The following CPOX variants were observed in gnomAD, a reference collection of about 807,000 sequenced individuals.
CPOX encodes coproporphyrinogen oxidase, also known as oxygen-dependent coproporphyrinogen-III oxidase, mitochondrial.
A neutral mutation model predicts 48.9 loss-of-function variants in CPOX; 24 were observed. That is an observed-to-expected ratio of 0.49 (90% CI 0.36 to 0.69). CPOX has a LOEUF of 0.69. Ranked by LOEUF, CPOX falls within the 30% of genes least tolerant of loss-of-function variation. The pLI is 0.00. For missense variants in CPOX, 549 were observed against 597.3 expected (o/e 0.92, Z 0.84); for synonymous variants, 249 against 234.6 (o/e 1.06, Z -0.56).
In CPOX at chr3:98,585,475, G is replaced by A. The variant is rs201231166; in HGVS notation, c.1138C>T (p.Gln380Ter). The A allele has an allele frequency of 6.2e-7, 1 of 1,613,842 alleles. No individual in the cohort carries two copies. The highest frequency in any genetic ancestry group is 1.7e-5 in the Admixed American group (1 of 60,014). Residue 380 changes from glutamine to a stop codon, truncating the protein, a stop_gained, in exon 5 of 7, where the codon CAG becomes TAG. Coordinates refer to ENST00000647941, the MANE Select transcript of CPOX (RefSeq NM_000097.7). LOFTEE classifies it high-confidence loss of function. ...CTGAGCTGCTGCCACAGCTTCTCCT[G>A]GGGGGTGAATGAGTCATCACAGTGC... ...KKHCDDSFTP[Q>*]EKLWQQLRRG...
At chr3:98,581,366 G>A in intron 6 of CPOX, 41 bp downstream of exon 6, 1 of 1,364,716 alleles carries the variant, frequency 7.3e-7, no homozygotes, top group South Asian at 1.2e-5. Context: ...TTTGGGAATT[G>A]GGAGTGTAGG....
chr3:98,586,248 T>C (rs1266787815), intron 4 of CPOX, among the ~76,000 whole-genome samples: 2 of 152,182 alleles, frequency 1.3e-5, no homozygotes, highest in Non-Finnish European at 2.9e-5. Context: ...CTAAGAACTT[T>C]AGTGAAAAGA....
chr3:98,588,050 T>C (rs1707400586), intron 4 of CPOX, among the ~76,000 whole-genome samples: 1 of 152,210 alleles, frequency 6.6e-6, no homozygotes, highest in Admixed American at 6.5e-5. Flanking sequence ...TGCATAAATA[T>C]TAACATTCCA....
intron 4 of CPOX, among the ~76,000 whole-genome samples, chr3:98,586,105 C>A (rs768223956): frequency 6.6e-6 from 1 of 152,062 alleles, no homozygotes; most frequent in African/African-American, 2.4e-5. Flanking sequence ...ATCTCCTGAC[C>A]TCGTGATCTG....
In CPOX at chr3:98,589,324, A is replaced by G. The variant is rs553168499; in HGVS notation, c.812-470T>C. On this transcript the variant is annotated intron_variant, in intron 3 of 6. Coordinates refer to ENST00000647941, the MANE Select transcript of CPOX (RefSeq NM_000097.7). Reference sequence around the variant, plus strand: ...ACAAGAGTGAGACTCCATCTCAAAAAACAAAATAAAACAAAACAAAACAAC... The same window carrying G: ...ACAAGAGTGAGACTCCATCTCAAAAGACAAAATAAAACAAAACAAAACAAC... Among the ~76,000 whole-genome samples, 12 of 152,318 alleles carry G rather than the reference A, an allele frequency of 7.9e-5. No individual in the cohort carries two copies. In the South Asian group the frequency reaches 1.9e-3, roughly 24 times the overall value.
downstream of CPOX, among the ~76,000 whole-genome samples, chr3:98,578,051 A>G (rs1485955265): frequency 6.6e-6 from 1 of 152,210 alleles, no homozygotes; most frequent in Non-Finnish European, 1.5e-5. Flanking sequence ...TCTCCCCTCC[A>G]GACACCCTTT....
chr3:98,577,402 CA>C (rs991427730), downstream of CPOX, among the ~76,000 whole-genome samples: 4 of 151,950 alleles, frequency 2.6e-5, no homozygotes, highest in Middle Eastern at 3.2e-3. Context: ...GAGAGCATTG[CA>C]AAAGTTCAGA....
At position 98,588,695 on chromosome 3, in the gene CPOX, T is replaced by C. The variant is rs1707412855; in HGVS notation, c.953+18A>G. On this transcript the variant is annotated intron_variant, in intron 4 of 6. Transcript: ENST00000647941. ...GAATGTAATTTTGGGGTCATGAAAGTTCAGTAACTTTACCTACCATTTTTT... is the reference window on the plus strand; with the variant it reads ...GAATGTAATTTTGGGGTCATGAAAGCTCAGTAACTTTACCTACCATTTTTT... 6.2e-7 allele frequency: 1 copy of C among 1,614,088 alleles called. No individual in the cohort carries two copies. Among genetic ancestry groups the C allele is most frequent in the Admixed American group, 1.7e-5 (1 of 60,020 alleles).
chr3:98,585,924 GT>G, intron 4 of CPOX: 1 of 385,062 alleles, frequency 2.6e-6, no homozygotes, highest in Non-Finnish European at 5.0e-6. Flanking sequence ...CCACGCTGGA[GT>G]GCAGTGGTGC....
the CPOX span, among the ~76,000 whole-genome samples, chr3:98,573,353 A>G: frequency 6.6e-6 from 1 of 152,230 alleles, no homozygotes; most frequent in Admixed American, 6.5e-5. Context: ...GCCATGCTTG[A>G]TTAAATATGT....
Position 98,590,677 on chromosome 3 carries a change from T to C in CPOX, c.766A>G (p.Thr256Ala), listed in dbSNP as rs77432735. Residue 256 changes from threonine (T) to alanine (A), a missense_variant, in exon 3 of 7, where the codon ACT becomes GCT. By Grantham distance (58) the Thr-to-Ala change is moderately conservative. Around this residue, in one of 2 missense-constraint regions of CPOX, gnomAD observed 213 missense variants for 279.1 expected, o/e 0.76. Transcript: ENST00000647941. ...AAGTATCTGTAGTTGAAATGGATAG[T>C]AGGAGCATGAGGATTCTTGGGGTGG... ...VIHPKNPHAPTIHFNYRYFEV... is the reference protein window; with the variant it reads ...VIHPKNPHAPAIHFNYRYFEV... 70 of 1,614,072 alleles carry C rather than the reference T, an allele frequency of 4.3e-5. No homozygotes were observed. The East Asian group carries it at 1.6e-3, about 36-fold the overall frequency.
intron 3 of CPOX, chr3:98,589,615 C>T (rs544491609): frequency 1.3e-5 from 2 of 152,418 alleles, no homozygotes; most frequent in South Asian, 4.1e-4. Flanking sequence ...ATTGCCAACC[C>T]CTCCCCTTTC....
intron 4 of CPOX, among the ~76,000 whole-genome samples, chr3:98,587,042 A>C (rs1215460063): frequency 6.6e-6 from 1 of 152,234 alleles, no homozygotes; most frequent in African/African-American, 2.4e-5. Flanking sequence ...AGTTCTTTTG[A>C]TAATCTCTGC....
chr3:98,574,713 G>A (rs1332557841), downstream of CPOX, among the ~76,000 whole-genome samples: 1 of 152,064 alleles, frequency 6.6e-6, no homozygotes, highest in Non-Finnish European at 1.5e-5. Context: ...TCCTGAGCTG[G>A]GATTACAGGC....
intron 1 of CPOX, among the ~76,000 whole-genome samples, chr3:98,592,326 GTACGCCTC>G (rs1339273529): frequency 6.6e-6 from 1 of 152,178 alleles, no homozygotes; most frequent in African/African-American, 2.4e-5. Context: ...GGTCATGAAT[GTACGCCTC>G]TACGAGAACT....
intron 4 of CPOX, among the ~76,000 whole-genome samples, chr3:98,586,888 G>A (rs918820097): frequency 1.3e-4 from 20 of 152,072 alleles, no homozygotes; most frequent in Non-Finnish European, 2.9e-4. Flanking sequence ...AGCTTGCAGT[G>A]AGCCGAGATC....
downstream of CPOX, among the ~76,000 whole-genome samples, chr3:98,577,808 C>T (rs1375399066): frequency 6.6e-6 from 1 of 152,228 alleles, no homozygotes; most frequent in Admixed American, 6.5e-5. Context: ...TCATCCTCAC[C>T]TATGTACAGA....
rs374329743 is a variant in CPOX at position 98,593,056 on chromosome 3, G to T, written c.449C>A (p.Thr150Asn). The T allele has an allele frequency of 1.9e-6, 3 of 1,613,818 alleles. No individual in the cohort carries two copies. The African/African-American group carries it at 4.0e-5, about 22-fold the overall frequency. Residue 150 changes from threonine (T) to asparagine (N), a missense_variant, in exon 1 of 7, where the codon ACC becomes AAC. This residue lies in a region of CPOX where 336 missense variants were observed against 318.1 expected (regional missense o/e 1.06). Transcript: ENST00000647941. ...ELRRRPGDMK[T>N]KMELLILETQ... The stretch of plus-strand genomic sequence containing the variant: ...CTCCAGAATCAGCAGCTCCATCTTG[G>T]TCTTCATGTCGCCCGGCCTCCTTCG...
downstream of CPOX, chr3:98,578,214 T>C (rs1339917887): frequency 3.2e-6 from 3 of 933,556 alleles, no homozygotes; most frequent in Non-Finnish European, 3.8e-6. Flanking sequence ...CCAGTAGTTA[T>C]GCAATTCTTT....
Sources: gnomAD v4.1 joint callset for allele counts (sites outside exome capture counted in the v4.1 genomes callset) on GRCh38, gnomAD v4.1.1 for gene constraint, gnomAD v4.1.1 regional missense constraint, MANE v1.5 for transcripts, NCBI Gene and HGNC (gene_info 2026-07-23, HGNC 2026-07-21) for gene names.